Variants in NELL1 observed in about 807,000 individuals in gnomAD.
The protein encoded by NELL1 is neural EGFL like 1.
In NELL1, 76 loss-of-function variants were observed where a neutral mutation model predicts 107.4. The ratio of observed to expected loss-of-function variants is 0.71; its 90% CI spans 0.59 to 0.86. NELL1 has a LOEUF of 0.86. NELL1 is among the 40% of genes least tolerant of loss of function. The pLI is 0.00. For synonymous variants in NELL1, 353 were observed against 341.2 expected (o/e 1.03, Z -0.38); for missense variants, 1,024 against 1,005.5 (o/e 1.02, Z -0.25).
intron 15 of NELL1, among the ~76,000 whole-genome samples, chr11:21,501,820 C>G (rs940692294): frequency 1.3e-5 from 2 of 152,088 alleles, no homozygotes; most frequent in South Asian, 4.1e-4. Flanking sequence ...AAAAAAGTAT[C>G]TGGGAGCCAA....
chr11:20,804,937 GCT>G (rs1857350631), intron 3 of NELL1, among the ~76,000 whole-genome samples: 2 of 152,060 alleles, frequency 1.3e-5, no homozygotes, highest in Non-Finnish European at 2.9e-5. Flanking sequence ...AATAATATTT[GCT>G]TTACACATCT....
Position 21,029,758 on chromosome 11 carries a change from C to T in NELL1, c.1300+69198C>T, listed in dbSNP as rs577482242. Among the ~76,000 whole-genome samples the T allele has an allele frequency of 1.1e-4, 16 of 152,250 alleles. No homozygotes were observed. In the South Asian group the frequency reaches 3.3e-3, roughly 32 times the overall value. On this transcript the variant is annotated intron_variant, in intron 12 of 19. Coordinates refer to ENST00000357134, the MANE Select transcript of NELL1 (RefSeq NM_006157.5). ...GGGTTGAATAAAGGGCATGGAAGAACATTTGATTTAAATAAAGGCAAGAAC... is the reference window on the plus strand; with the variant it reads ...GGGTTGAATAAAGGGCATGGAAGAATATTTGATTTAAATAAAGGCAAGAAC...
intron 12 of NELL1, among the ~76,000 whole-genome samples, chr11:21,035,789 CA>C (rs1853077022): frequency 6.6e-6 from 1 of 152,134 alleles, no homozygotes; most frequent in Non-Finnish European, 1.5e-5. Flanking sequence ...ACTGAATGGG[CA>C]AAAGCTGGAA....
chr11:21,147,969 C>T (rs1468839627), intron 13 of NELL1, among the ~76,000 whole-genome samples: 2 of 151,560 alleles, frequency 1.3e-5, no homozygotes, highest in Non-Finnish European at 1.5e-5. Context: ...TTAAGCTACG[C>T]AGGCAATAGT....
intron 2 of NELL1, among the ~76,000 whole-genome samples, chr11:20,772,125 T>G (rs1240943253): frequency 2.0e-5 from 3 of 152,210 alleles, no homozygotes; most frequent in African/African-American, 7.2e-5. Context: ...CTTTCATGCC[T>G]GAGAATTAGG....
At chr11:20,813,687 G>C (rs1305943132) in intron 3 of NELL1, among the ~76,000 whole-genome samples, 1 of 152,148 alleles carries the variant, frequency 6.6e-6, no homozygotes, top group Non-Finnish European at 1.5e-5. Flanking sequence ...TTGTTAAAAA[G>C]AGAAAATGAA....
intron 2 of NELL1, among the ~76,000 whole-genome samples, chr11:20,774,922 G>A (rs1007530700): frequency 6.6e-6 from 1 of 151,938 alleles, no homozygotes; most frequent in Non-Finnish European, 1.5e-5. Context: ...GGCACCTGAG[G>A]AGGGTTGCTG....
intron 12 of NELL1, among the ~76,000 whole-genome samples, chr11:21,097,437 C>T (rs1854673727): frequency 6.6e-6 from 1 of 152,162 alleles, no homozygotes; most frequent in Non-Finnish European, 1.5e-5. Context: ...GGACGCAGTC[C>T]TTATCTCTTT....
chr11:21,280,508 G>T (rs1269345356), intron 14 of NELL1, among the ~76,000 whole-genome samples: 3 of 152,170 alleles, frequency 2.0e-5, no homozygotes, highest in Non-Finnish European at 4.4e-5. Context: ...CATGAAGAGA[G>T]AATCTGTGCA....
chr11:20,821,578 A>G lies in NELL1; in HGVS notation c.336-26005A>G, dbSNP rs574039186. ...TCCATCTCCAAAAGGACTTGTTATG[A>G]TTATAATATGTCCAACTGTTTTCAT... On this transcript the variant is annotated intron_variant, in intron 3 of 19. Coordinates refer to ENST00000357134, the MANE Select transcript of NELL1 (RefSeq NM_006157.5). 3.9e-5 allele frequency among the ~76,000 whole-genome samples: 6 copies of G among 152,336 alleles called. No individual in the cohort carries two copies. The South Asian group carries it at 1.0e-3, about 26-fold the overall frequency.
chr11:21,290,362 C>A (rs1416117401), intron 14 of NELL1, among the ~76,000 whole-genome samples: 1 of 148,282 alleles, frequency 6.7e-6, no homozygotes, highest in East Asian at 2.0e-4. Context: ...GAGCAAGACG[C>A]CATCTCAAAA....
rs1853852566 is a variant in NELL1 at position 20,669,872 on chromosome 11, G to C, written c.55+94G>C. 9.5e-7 allele frequency: 1 copy of C among 1,056,534 alleles called. No homozygotes were observed. The highest frequency in any genetic ancestry group is 1.6e-5 in the African/African-American group (1 of 63,964). 65.4% of individuals were successfully genotyped at this position (1,056,534 alleles called of 1,614,324 possible). ...GAGACCTGGAGCCGAGCTTTGCGCT[G>C]GTCTGGGGAACGGCGGTAGCGTGGA... On this transcript the variant is annotated intron_variant, in intron 1 of 19. Coordinates refer to ENST00000357134, the MANE Select transcript of NELL1 (RefSeq NM_006157.5). The surrounding 1 kb of genome is among the most constrained non-coding windows in gnomAD (Gnocchi z 4.4).
intron 2 of NELL1, among the ~76,000 whole-genome samples, chr11:20,746,016 T>G (rs764505879): frequency 2.6e-4 from 40 of 152,184 alleles, no homozygotes; most frequent in Admixed American, 5.2e-4. Flanking sequence ...ATTTAACTAA[T>G]AAGAAGATAG....
intron 3 of NELL1, among the ~76,000 whole-genome samples, chr11:20,808,891 T>A (rs1857441314): frequency 6.6e-6 from 1 of 152,200 alleles, no homozygotes; most frequent in Non-Finnish European, 1.5e-5. Context: ...GGTCAGCAAT[T>A]CAAGACTGTC....
rs570716327 is a variant in NELL1, at chr11:21,430,818, C to T, written c.1645+59870C>T. On this transcript the variant is annotated intron_variant, in intron 15 of 19. Coordinates refer to ENST00000357134, the MANE Select transcript of NELL1 (RefSeq NM_006157.5). ...TTTGTCCCAACTGCAGCAATGTGTT[C>T]GTATTTGTGTTTTACTAACTGTCAC... 6.6e-5 allele frequency among the ~76,000 whole-genome samples: 10 copies of T among 152,186 alleles called. 3 individuals carry two copies. Among genetic ancestry groups the T allele is most frequent in the African/African-American group, 2.4e-4 (10 of 41,544 alleles).
chr11:21,101,139 T>C (rs1854798557), intron 12 of NELL1, among the ~76,000 whole-genome samples: 1 of 152,180 alleles, frequency 6.6e-6, no homozygotes, highest in South Asian at 2.1e-4. Context: ...GTTTCCAGCT[T>C]CATCCATGTC....
At chr11:20,971,732 C>G (rs574105302) in intron 12 of NELL1, among the ~76,000 whole-genome samples, 1 of 152,316 alleles carries the variant, frequency 6.6e-6, no homozygotes, top group East Asian at 1.9e-4. Flanking sequence ...AACTTCATCT[C>G]TCATCATTTT....
intron 7 of NELL1, among the ~76,000 whole-genome samples, chr11:20,922,501 T>A (rs140787844): frequency 6.6e-6 from 1 of 152,064 alleles, no homozygotes; most frequent in African/African-American, 2.4e-5. Context: ...AGTCTGGAAA[T>A]GTCAGGCAAA....
chr11:21,378,217 C>A (rs972061577), intron 15 of NELL1, among the ~76,000 whole-genome samples: 1 of 149,680 alleles, frequency 6.7e-6, no homozygotes, highest in Non-Finnish European at 1.5e-5. Flanking sequence ...AACTCGTGGT[C>A]TAGATGTAGC....
Sources: allele counts gnomAD v4.1 joint callset (sites outside exome capture counted in the v4.1 genomes callset), GRCh38; gene constraint gnomAD v4.1.1; non-coding constraint Gnocchi (gnomAD v3.1); transcripts MANE v1.5; gene names NCBI Gene and HGNC (gene_info 2026-07-23, HGNC 2026-07-21).